GPATCH2: variants seen among roughly 807,000 people sequenced by gnomAD.
GPATCH2 encodes the protein G patch domain-containing protein 2.
A neutral mutation model predicts 58.0 loss-of-function variants in GPATCH2; 51 were observed. That is an observed-to-expected ratio of 0.88 (90% CI 0.70 to 1.11). The LOEUF (loss-of-function observed/expected upper bound fraction) is 1.11. Ranked by LOEUF, GPATCH2 falls within the 50% of genes most tolerant of loss-of-function variation. GPATCH2 has a pLI of 0.00. For synonymous variants in GPATCH2, 222 were observed against 218.5 expected, an observed-to-expected ratio of 1.02 and a Z score of -0.14; for missense variants, 625 against 652.2, an observed-to-expected ratio of 0.96 and a Z score of 0.45.
At chr1:217,476,235 A>AGTGTGTGTGT (rs60995546) in intron 8 of GPATCH2, among the ~76,000 whole-genome samples, 1,477 of 146,370 alleles carry the variant, frequency 0.01, 24 homozygotes, top group African/African-American at 0.034. Context: ...TCCAGATATG[A>AGTGTGTGTGT]GTGTGTGTGT....
chr1:217,496,223 T>A (rs1364999438), intron 7 of GPATCH2, among the ~76,000 whole-genome samples: 1 of 152,174 alleles, frequency 6.6e-6, no homozygotes, highest in Non-Finnish European at 1.5e-5. Flanking sequence ...TTATTCAGAT[T>A]CCATACACCT....
At chr1:217,488,641 T>G in intron 8 of GPATCH2, among the ~76,000 whole-genome samples, 1 of 152,122 alleles carries the variant, frequency 6.6e-6, no homozygotes, top group Non-Finnish European at 1.5e-5. Flanking sequence ...TTAGTTCTGC[T>G]TTTAACTGAC....
intron 7 of GPATCH2, 112 bp from the exon 8 acceptor site, chr1:217,491,862 CTTTT>C (rs34921892): frequency 4.7e-4 from 156 of 332,616 alleles, no homozygotes; most frequent in South Asian, 6.6e-4. Flanking sequence ...ATTTGCACGG[CTTTT>C]TTTTTTTTTT....
intron 9 of GPATCH2, among the ~76,000 whole-genome samples, chr1:217,438,922 G>A (rs1337925361): frequency 6.6e-6 from 1 of 152,108 alleles, no homozygotes; most frequent in East Asian, 1.9e-4. Flanking sequence ...CAATAATAGT[G>A]GGAGATTTAA....
chr1:217,566,368 G>A (rs1666234848), intron 5 of GPATCH2, among the ~76,000 whole-genome samples: 1 of 152,044 alleles, frequency 6.6e-6, no homozygotes, highest in East Asian at 1.9e-4. Context: ...CTGTGGGAAG[G>A]GTAAACTCCT....
intron 8 of GPATCH2, among the ~76,000 whole-genome samples, chr1:217,477,206 T>C (rs1471784628): frequency 2.6e-5 from 4 of 151,994 alleles, no homozygotes; most frequent in African/African-American, 9.7e-5. Flanking sequence ...TGAAGAGCCT[T>C]TGGGCCCTGT....
chr1:217,617,224 A>C (rs895631169), intron 2 of GPATCH2, among the ~76,000 whole-genome samples: 1 of 152,184 alleles, frequency 6.6e-6, no homozygotes, highest in Admixed American at 6.5e-5. Flanking sequence ...GTAAAAACAA[A>C]GTATGTATTT....
At chr1:217,444,776 TA>T (rs1216331718) in intron 9 of GPATCH2, among the ~76,000 whole-genome samples, 1 of 152,144 alleles carries the variant, frequency 6.6e-6, no homozygotes, top group Non-Finnish European at 1.5e-5. Flanking sequence ...AGAGCTACAA[TA>T]ATCTACAGCA....
chr1:217,528,054 A>G (rs900390298), intron 5 of GPATCH2, among the ~76,000 whole-genome samples: 5 of 152,204 alleles, frequency 3.3e-5, no homozygotes, highest in East Asian at 1.9e-4. Flanking sequence ...ATCTAAGCCA[A>G]TGGAAGGAGG....
intron 9 of GPATCH2, among the ~76,000 whole-genome samples, chr1:217,442,900 T>TC (rs1444066515): frequency 6.6e-6 from 1 of 152,178 alleles, no homozygotes; most frequent in Admixed American, 6.5e-5. Flanking sequence ...CTTTGCTTTT[T>TC]CTGTGAATTT....
At chr1:217,556,613 A>C (rs1411271671) in intron 5 of GPATCH2, among the ~76,000 whole-genome samples, 2 of 152,192 alleles carry the variant, frequency 1.3e-5, no homozygotes, top group African/African-American at 2.4e-5. Context: ...TCCTGCCAAG[A>C]GACATTTATG....
At chr1:217,596,003 C>T (rs1667809884) in intron 5 of GPATCH2, among the ~76,000 whole-genome samples, 1 of 152,040 alleles carries the variant, frequency 6.6e-6, no homozygotes, top group Non-Finnish European at 1.5e-5. Context: ...AAAAAACCTA[C>T]ATGTCACAGT....
At chr1:217,514,384 C>T (rs946205530) in intron 6 of GPATCH2, among the ~76,000 whole-genome samples, 1 of 151,958 alleles carries the variant, frequency 6.6e-6, no homozygotes, top group Non-Finnish European at 1.5e-5. Context: ...GTCTCAAACT[C>T]CTGAACTCAG....
chr1:217,450,040 C>A (rs980787888), intron 8 of GPATCH2, among the ~76,000 whole-genome samples: 2 of 151,858 alleles, frequency 1.3e-5, no homozygotes, highest in Admixed American at 6.6e-5. Context: ...TAATTTTGGT[C>A]TCCTAAATTG....
At chr1:217,511,312 G>C (rs1662839546) in intron 6 of GPATCH2, among the ~76,000 whole-genome samples, 1 of 151,924 alleles carries the variant, frequency 6.6e-6, no homozygotes, top group Non-Finnish European at 1.5e-5. Flanking sequence ...TTTTCCCTAA[G>C]GAAGAAGAAA....
At chr1:217,522,039 A>T (rs1663489405) in intron 5 of GPATCH2, among the ~76,000 whole-genome samples, 1 of 152,218 alleles carries the variant, frequency 6.6e-6, no homozygotes, top group South Asian at 2.1e-4. Flanking sequence ...TGAAAATTAT[A>T]CTGTTTAGAA....
intron 5 of GPATCH2, among the ~76,000 whole-genome samples, chr1:217,542,747 CG>C: frequency 6.6e-6 from 1 of 152,290 alleles, no homozygotes; most frequent in East Asian, 1.9e-4. Flanking sequence ...AAACCCAAAA[CG>C]TCTTAAGAAT....
intron 3 of GPATCH2, among the ~76,000 whole-genome samples, chr1:217,612,738 A>G (rs1668692292): frequency 1.3e-5 from 2 of 152,186 alleles, no homozygotes. Context: ...TTATTCTTCA[A>G]TAGGGAAATC....
At chr1:217,613,609 C>T (rs1668740181) in intron 3 of GPATCH2, among the ~76,000 whole-genome samples, 1 of 152,042 alleles carries the variant, frequency 6.6e-6, no homozygotes, top group Admixed American at 6.6e-5. Context: ...ATGTTACAGA[C>T]TGAAGCTTCT....
Sources: gnomAD v4.1 joint callset for allele counts (sites outside exome capture counted in the v4.1 genomes callset) on GRCh38, gnomAD v4.1.1 for gene constraint, MANE v1.5 for transcripts, NCBI Gene and HGNC (gene_info 2026-07-23, HGNC 2026-07-21) for gene names.